The following ROBO1 variants were observed in gnomAD, a reference collection of about 807,000 sequenced individuals.
ROBO1 encodes roundabout guidance receptor 1.
A neutral mutation model predicts 195.9 loss-of-function variants in ROBO1; 149 were observed. The observed-to-expected ratio is 0.76, with a 90% confidence interval of 0.67 to 0.87. The LOEUF (loss-of-function observed/expected upper bound fraction) is 0.87. ROBO1 is among the 40% of genes least tolerant of loss of function. The probability of loss-of-function intolerance (pLI) is 0.00; values close to 1 mark genes in which losing one functional copy is unlikely to be tolerated. For missense variants in ROBO1, 1,933 were observed against 2,068.3 expected, an observed-to-expected ratio of 0.93 and a Z score of 1.27; for synonymous variants, 816 against 733.2, an observed-to-expected ratio of 1.11 and a Z score of -1.82.
intron 14 of ROBO1, among the ~76,000 whole-genome samples, chr3:78,667,617 C>A (rs561464127): frequency 6.6e-6 from 1 of 151,942 alleles, no homozygotes; most frequent in Non-Finnish European, 1.5e-5. Context: ...CATCTCCTCA[C>A]GTAATATTTT....
intron 3 of ROBO1, among the ~76,000 whole-genome samples, chr3:79,113,805 AG>A (rs1181398498): frequency 6.6e-6 from 1 of 152,132 alleles, no homozygotes; most frequent in Non-Finnish European, 1.5e-5. Flanking sequence ...AATATACAAT[AG>A]GCCTTTATCC....
intron 2 of ROBO1, among the ~76,000 whole-genome samples, chr3:79,432,713 C>T (rs1021509618): frequency 2.6e-5 from 4 of 152,036 alleles, no homozygotes; most frequent in African/African-American, 7.2e-5. Context: ...TTCACCCTAC[C>T]CCACTCAGGG....
intron 8 of ROBO1, among the ~76,000 whole-genome samples, chr3:78,711,741 G>C (rs535847981): frequency 2.7e-5 from 4 of 150,368 alleles, no homozygotes; most frequent in East Asian, 2.0e-4. Context: ...TGACCACCTC[G>C]GCCTCCCATA....
intron 1 of ROBO1, among the ~76,000 whole-genome samples, chr3:79,739,404 T>C (rs1385093785): frequency 6.6e-6 from 1 of 152,182 alleles, no homozygotes; most frequent in Non-Finnish European, 1.5e-5. Context: ...AACCTTTGTA[T>C]ACTCTCCATC....
At chr3:79,045,564 C>A (rs1174534128) in intron 3 of ROBO1, among the ~76,000 whole-genome samples, 1 of 151,936 alleles carries the variant, frequency 6.6e-6, no homozygotes, top group Non-Finnish European at 1.5e-5. Flanking sequence ...ACAAAAATGA[C>A]TAAACATGGA....
chr3:78,717,245 C>A, intron 7 of ROBO1, 30 bp downstream of exon 7: 3 of 1,519,864 alleles, frequency 2.0e-6, no homozygotes, highest in Non-Finnish European at 2.6e-6. Flanking sequence ...GCTGAGTTGA[C>A]AAATCATATC....
chr3:78,782,710 C>T (rs770625483), intron 4 of ROBO1, among the ~76,000 whole-genome samples: 7 of 152,194 alleles, frequency 4.6e-5, no homozygotes, highest in South Asian at 2.1e-4. Context: ...AATTTGCAAA[C>T]GACAAAACAG....
At chr3:78,659,623 T>A (rs1707253430) in intron 17 of ROBO1, 63 bp downstream of exon 17, 1 of 1,241,572 alleles carries the variant, frequency 8.1e-7, no homozygotes, top group African/African-American at 1.6e-5. Context: ...AGCCTGCTTT[T>A]TCTTTATGAA....
rs1184211856 is a variant in ROBO1 at position 78,632,944 on chromosome 3, CAAAT to C, written c.3481+987_3481+990del. On this transcript the variant is annotated intron_variant, in intron 24 of 30. Coordinates refer to ENST00000464233, the MANE Select transcript of ROBO1 (RefSeq NM_002941.4). Reference sequence around the variant, plus strand: ...ATAAGATGTTAATTGTTAAAACAAACAAATAACATATAATAGAATCAGAGTAAAT... The same window carrying C: ...ATAAGATGTTAATTGTTAAAACAAACAACATATAATAGAATCAGAGTAAAT... Among the ~76,000 whole-genome samples the C allele has an allele frequency of 5.9e-5, 9 of 152,168 alleles. No homozygotes were observed. The East Asian group carries it at 1.7e-3, about 29-fold the overall frequency.
intron 4 of ROBO1, among the ~76,000 whole-genome samples, chr3:78,767,988 T>C (rs1163833446): frequency 1.3e-5 from 2 of 152,172 alleles, no homozygotes; most frequent in African/African-American, 2.4e-5. Flanking sequence ...TGTTCTTGTT[T>C]CTCTAGTTCC....
intron 4 of ROBO1, among the ~76,000 whole-genome samples, chr3:78,861,723 C>CATTAGAAATA (rs1004858328): frequency 4.6e-5 from 7 of 152,172 alleles, no homozygotes; most frequent in Non-Finnish European, 8.8e-5. Flanking sequence ...CTTTTCTTCC[C>CATTAGAAATA]ATTAGAAATA....
intron 2 of ROBO1, among the ~76,000 whole-genome samples, chr3:79,586,827 A>G (rs573090079): frequency 9.9e-5 from 15 of 151,912 alleles, no homozygotes; most frequent in Non-Finnish European, 1.9e-4. Flanking sequence ...CTTTCCTAGC[A>G]GAAATTAAGT....
intron 4 of ROBO1, among the ~76,000 whole-genome samples, chr3:78,777,659 CAA>C (rs1210156665): frequency 6.6e-6 from 1 of 152,088 alleles, no homozygotes; most frequent in African/African-American, 2.4e-5. Flanking sequence ...GGAGCCAAAA[CAA>C]AAAGTTTGGC....
intron 1 of ROBO1, among the ~76,000 whole-genome samples, chr3:79,644,031 A>T (rs1945744874): frequency 6.6e-6 from 1 of 152,168 alleles, no homozygotes; most frequent in Admixed American, 6.5e-5. Context: ...TATTTGATGC[A>T]ACTGGGAACC....
chr3:79,664,747 C>T (rs987096862), intron 1 of ROBO1, among the ~76,000 whole-genome samples: 2 of 151,862 alleles, frequency 1.3e-5, no homozygotes, highest in African/African-American at 4.8e-5. Context: ...ATTATGTCCT[C>T]TATGCCCTGA....
intron 4 of ROBO1, among the ~76,000 whole-genome samples, chr3:78,922,037 C>A (rs2038963716): frequency 6.6e-6 from 1 of 151,976 alleles, no homozygotes. Context: ...GTCTGCCCAC[C>A]TCGGCCTCCC....
chr3:78,682,749 A>G (rs1239550580), intron 10 of ROBO1, among the ~76,000 whole-genome samples: 1 of 147,862 alleles, frequency 6.8e-6, no homozygotes, highest in Non-Finnish European at 1.5e-5. Flanking sequence ...TATATTATAT[A>G]TAATATATAG....
intron 3 of ROBO1, among the ~76,000 whole-genome samples, chr3:79,076,846 T>C (rs1378601886): frequency 6.6e-6 from 1 of 151,812 alleles, no homozygotes; most frequent in African/African-American, 2.4e-5. Context: ...AGAGGGAAAT[T>C]CAAGTTTTGT....
chr3:79,410,394 A>G (rs2037717531), intron 2 of ROBO1, among the ~76,000 whole-genome samples: 1 of 152,124 alleles, frequency 6.6e-6, no homozygotes, highest in Admixed American at 6.6e-5. Flanking sequence ...TCCAAGGGGG[A>G]CAAAGGTTTG....
Sources: gnomAD v4.1 joint callset for allele counts (sites outside exome capture counted in the v4.1 genomes callset) on GRCh38, gnomAD v4.1.1 for gene constraint, MANE v1.5 for transcripts, NCBI Gene and HGNC (gene_info 2026-07-23, HGNC 2026-07-21) for gene names.